The following PRAG1 variants were observed in gnomAD, a reference collection of about 807,000 sequenced individuals.
PRAG1 encodes the protein PEAK1 related, kinase-activating pseudokinase 1, also known as inactive tyrosine-protein kinase PRAG1.
Under a neutral mutation model 95.6 loss-of-function variants are expected in PRAG1, and 110 were observed. The ratio of observed to expected loss-of-function variants is 1.15; its 90% CI spans 0.99 to 1.35. PRAG1 has a LOEUF of 1.35. Ranked by LOEUF, PRAG1 falls within the 40% of genes most tolerant of loss-of-function variation. The probability of loss-of-function intolerance (pLI) is 0.00; values close to 1 mark genes in which losing one functional copy is unlikely to be tolerated. For synonymous variants in PRAG1, 1,052 were observed against 819.4 expected, an observed-to-expected ratio of 1.28 and a Z score of -4.85; for missense variants, 2,554 against 1,864.7, an observed-to-expected ratio of 1.37 and a Z score of -6.81.
chr8:8,364,949 G>C (rs1417637367), intron 3 of PRAG1, among the ~76,000 whole-genome samples: 1 of 152,068 alleles, frequency 6.6e-6, no homozygotes, highest in African/African-American at 2.4e-5. Context: ...GAAATTGTCT[G>C]TACAGACAAT....
At position 8,376,302 on chromosome 8, in the gene PRAG1, T is replaced by G; in HGVS notation, c.2107A>C (p.Lys703Gln). Residue 703 changes from lysine to glutamine, a missense_variant, in exon 3 of 6, where the codon AAG becomes CAG. Transcript: ENST00000615670. The part of the protein sequence containing the change: ...KSASFAFEFP[K>Q]DRSGIETFSP... ...AATGTCTCAATCCCACTTCTGTCCT[T>G]GGGGAACTCAAAGGCAAAAGAGGCG... 1 of 1,614,134 alleles carries G rather than the reference T, an allele frequency of 6.2e-7. No homozygotes were observed. The highest frequency in any genetic ancestry group is 8.5e-7 in the Non-Finnish European group (1 of 1,180,026).
At chr8:8,345,069 G>C (rs1304459592) in intron 3 of PRAG1, among the ~76,000 whole-genome samples, 3 of 151,364 alleles carry the variant, frequency 2.0e-5, no homozygotes, top group African/African-American at 7.3e-5. Context: ...GTGTGTGTGT[G>C]TGTGTGTGTG....
chr8:8,329,424 G>A (rs1798750408), intron 4 of PRAG1, among the ~76,000 whole-genome samples: 1 of 151,884 alleles, frequency 6.6e-6, no homozygotes, highest in Admixed American at 6.6e-5. Context: ...GCAGCCCTAA[G>A]GAAATGTGTA....
chr8:8,347,072 T>G (rs1158956554), intron 3 of PRAG1, among the ~76,000 whole-genome samples: 4 of 152,182 alleles, frequency 2.6e-5, no homozygotes, highest in Non-Finnish European at 5.9e-5. Context: ...CTATACATGT[T>G]TTTTCAATTA....
intron 3 of PRAG1, among the ~76,000 whole-genome samples, chr8:8,345,815 C>T (rs1210562805): frequency 6.6e-6 from 1 of 151,992 alleles, no homozygotes; most frequent in African/African-American, 2.4e-5. Flanking sequence ...TAAAATAAAA[C>T]CTTAGGACTG....
chr8:8,367,570 T>C (rs1800051444), intron 3 of PRAG1, among the ~76,000 whole-genome samples: 1 of 150,798 alleles, frequency 6.6e-6, no homozygotes, highest in African/African-American at 2.4e-5. Flanking sequence ...CTTCGTGACC[T>C]TCAAGGTCAT....
chr8:8,328,540 ATT>A, intron 4 of PRAG1, 79 bp from the exon 5 acceptor site: 1 of 945,266 alleles, frequency 1.1e-6, no homozygotes, highest in Non-Finnish European at 1.4e-6. Flanking sequence ...GTTTCCCTTT[ATT>A]TATTTATTTA....
intron 4 of PRAG1, among the ~76,000 whole-genome samples, chr8:8,332,646 C>A (rs372766509): frequency 2.7e-5 from 4 of 147,438 alleles, no homozygotes; most frequent in Non-Finnish European, 6.0e-5. Context: ...CACCTCCAGG[C>A]CACTCCAGGC....
chr8:8,366,627 C>A (rs1800016947), intron 3 of PRAG1, among the ~76,000 whole-genome samples: 1 of 151,868 alleles, frequency 6.6e-6, no homozygotes, highest in Non-Finnish European at 1.5e-5. Context: ...AACTCTTAAA[C>A]TCTTGAATTA....
Position 8,381,481 on chromosome 8 carries a change from G to C in PRAG1, c.267C>G (p.Thr89=), listed in dbSNP as rs1159891242. The C allele has an allele frequency of 1.2e-6, 2 of 1,614,250 alleles. No individual in the cohort carries two copies. Among genetic ancestry groups the C allele is most frequent in the Non-Finnish European group, 1.7e-6 (2 of 1,180,040 alleles). ...YSKPTIAVKP[T]MMSSEASDVW... Reference sequence around the variant, plus strand: ...CATCAGAGGCCTCGGAGCTCATCATGGTGGGCTTCACGGCAATTGTGGGCT... The same window carrying C: ...CATCAGAGGCCTCGGAGCTCATCATCGTGGGCTTCACGGCAATTGTGGGCT... The change falls in exon 2 of 6, where the codon ACC becomes ACG. Residue 89 remains threonine (T), a synonymous_variant. Transcript: ENST00000615670.
At chr8:8,382,580 G>C (rs1348108130) in intron 1 of PRAG1, among the ~76,000 whole-genome samples, 1 of 152,262 alleles carries the variant, frequency 6.6e-6, no homozygotes, top group Non-Finnish European at 1.5e-5. Flanking sequence ...TGGCTGGATA[G>C]ATGATAAGAG....
At chr8:8,330,305 G>A (rs1440750742) in intron 4 of PRAG1, among the ~76,000 whole-genome samples, 2 of 152,196 alleles carry the variant, frequency 1.3e-5, no homozygotes, top group Middle Eastern at 3.2e-3. Flanking sequence ...GTCAGAAATT[G>A]CAGTGAGCCG....
rs187206430 is a variant in PRAG1, at chr8:8,318,555, G to C, written c.3820C>G (p.Arg1274Gly). The C allele has an allele frequency of 3.3e-3, 5,346 of 1,613,556 alleles. 160 individuals are homozygous for C. The African/African-American group carries it at 0.063, about 19-fold the overall frequency. Residue 1274 changes from arginine (R) to glycine (G), a missense_variant, in exon 6 of 6, where the codon CGC becomes GGC. By Grantham distance (125) the Arg-to-Gly change is moderately radical (BLOSUM62 -2). Transcript: ENST00000615670. This position sits in a 1 kb window ranked among gnomAD's most constrained non-coding sequence, Gnocchi z 4.2. Reference protein sequence around the residue: ...LLHQPNPFEVRAQLRERDYRQ... With the variant: ...LLHQPNPFEVGAQLRERDYRQ... ...TAGTCTCTCTCCCGCAGCTGGGCGCGCACCTCGAACGGGTTGGGTTGGTGC... is the reference window on the plus strand; with the variant it reads ...TAGTCTCTCTCCCGCAGCTGGGCGCCCACCTCGAACGGGTTGGGTTGGTGC...
rs1239217678 is a variant in PRAG1 at position 8,318,544 on chromosome 8, C to T, written c.3831G>A (p.Leu1277=). The change falls in exon 6 of 6, where the codon CTG becomes CTA. Residue 1277 remains leucine (L), a synonymous_variant. Transcript: ENST00000615670. This position sits in a 1 kb window ranked among gnomAD's most constrained non-coding sequence, Gnocchi z 4.2. ...CCTCCTGCCGGTAGTCTCTCTCCCG[C>T]AGCTGGGCGCGCACCTCGAACGGGT... ...QPNPFEVRAQ[L]RERDYRQEDL... 1.2e-6 allele frequency: 2 copies of T among 1,613,494 alleles called. No individual in the cohort carries two copies. Among genetic ancestry groups the T allele is most frequent in the Admixed American group, 1.7e-5 (1 of 59,998 alleles).
At position 8,327,992 on chromosome 8, in the gene PRAG1, G is replaced by A. The variant is rs762198539; in HGVS notation, c.2790C>T (p.Ser930=). 31 of 1,595,280 alleles carry A rather than the reference G, an allele frequency of 1.9e-5. No individual in the cohort carries two copies. Among genetic ancestry groups the A allele is most frequent in the Non-Finnish European group, 2.7e-5 (31 of 1,169,588 alleles). ...GCAGCTGAAGCTGGGTGCTCCCGGT[G>A]GAGGCTTGACTGGACACGCTCAGCT... ...SSQLSVSSQA[S]TGSTQLQLHG... The change falls in exon 5 of 6, where the codon TCC becomes TCT. Residue 930 remains serine (S), a synonymous_variant. Coordinates refer to ENST00000615670, the MANE Select transcript of PRAG1 (RefSeq NM_001080826.3).
intron 3 of PRAG1, among the ~76,000 whole-genome samples, chr8:8,353,945 TA>T (rs1322966438): frequency 6.9e-6 from 1 of 145,790 alleles, no homozygotes; most frequent in Non-Finnish European, 1.5e-5. Flanking sequence ...CAAAAATAAA[TA>T]AAATAAAGAA....
chr8:8,349,375 G>C (rs764089292), intron 3 of PRAG1, among the ~76,000 whole-genome samples: 7 of 151,930 alleles, frequency 4.6e-5, no homozygotes, highest in Non-Finnish European at 1.0e-4. Flanking sequence ...CTGCCTCCCG[G>C]GTTCACGCCA....
intron 5 of PRAG1, among the ~76,000 whole-genome samples, chr8:8,326,033 C>T (rs1189830457): frequency 6.6e-6 from 1 of 150,488 alleles, no homozygotes; most frequent in South Asian, 2.1e-4. Flanking sequence ...TGTCTTCCAC[C>T]AGGCTTTTTC....
chr8:8,373,918 C>G (rs987411858), intron 3 of PRAG1, among the ~76,000 whole-genome samples: 6 of 152,116 alleles, frequency 3.9e-5, no homozygotes, highest in Admixed American at 2.0e-4. Flanking sequence ...TAATTAAAAC[C>G]CTACCTGAGT....
Sources: allele counts gnomAD v4.1 joint callset (sites outside exome capture counted in the v4.1 genomes callset), GRCh38; gene constraint gnomAD v4.1.1; non-coding constraint Gnocchi (gnomAD v3.1); transcripts MANE v1.5; gene names NCBI Gene and HGNC (gene_info 2026-07-23, HGNC 2026-07-21).